The following PCDH15 variants were observed in gnomAD, a reference collection of about 807,000 sequenced individuals.
PCDH15 encodes the protein protocadherin-15.
Under a neutral mutation model 178.5 loss-of-function variants are expected in PCDH15, and 129 were observed. The observed-to-expected ratio is 0.72, with a 90% confidence interval of 0.63 to 0.84. PCDH15 has a LOEUF of 0.84. Ranked by LOEUF, PCDH15 falls within the 40% of genes least tolerant of loss-of-function variation. PCDH15 has a pLI of 0.00. For synonymous variants in PCDH15, 800 were observed against 732.0 expected (o/e 1.09, Z -1.50); for missense variants, 2,230 against 2,099.9 (o/e 1.06, Z -1.21).
intron 3 of PCDH15, among the ~76,000 whole-genome samples, chr10:54,460,225 T>TA (rs962846642): frequency 6.6e-6 from 1 of 152,102 alleles, no homozygotes; most frequent in Non-Finnish European, 1.5e-5. Context: ...ATTTATTTGA[T>TA]AAAGTTTTAC....
intron 3 of PCDH15, among the ~76,000 whole-genome samples, chr10:54,875,614 A>G (rs1488051398): frequency 2.6e-5 from 4 of 152,210 alleles, no homozygotes; most frequent in Non-Finnish European, 5.9e-5. Context: ...TGAAACAGTC[A>G]TATTGCTGAT....
intron 1 of PCDH15, among the ~76,000 whole-genome samples, chr10:54,686,578 T>G (rs2095014685): frequency 6.6e-6 from 1 of 152,136 alleles, no homozygotes; most frequent in Non-Finnish European, 1.5e-5. Context: ...TATTTTGAAT[T>G]TTTTGTGTGT....
At chr10:55,202,220 C>G (rs761316523) in intron 1 of PCDH15, among the ~76,000 whole-genome samples, 10 of 152,022 alleles carry the variant, frequency 6.6e-5, no homozygotes, top group Non-Finnish European at 1.5e-4. Context: ...ACTTCATCTA[C>G]GCAGAGCCAG....
intron 2 of PCDH15, among the ~76,000 whole-genome samples, chr10:55,424,993 T>C (rs1347191689): frequency 6.6e-6 from 1 of 151,910 alleles, no homozygotes; most frequent in Non-Finnish European, 1.5e-5. Context: ...GCAAATACTT[T>C]TAAGAAACAG....
intron 21 of PCDH15, among the ~76,000 whole-genome samples, chr10:53,964,808 T>C (rs2088817752): frequency 6.6e-6 from 1 of 152,230 alleles, no homozygotes; most frequent in East Asian, 1.9e-4. Context: ...ATCAGACTTA[T>C]TATAATCATA....
At chr10:55,380,384 T>C (rs530696105) in intron 2 of PCDH15, among the ~76,000 whole-genome samples, 1 of 152,306 alleles carries the variant, frequency 6.6e-6, no homozygotes, top group South Asian at 2.1e-4. Context: ...GAGAGACAAT[T>C]CTCTATGGGT....
At chr10:55,284,193 G>T (rs1265481399) in intron 1 of PCDH15, among the ~76,000 whole-genome samples, 2 of 146,240 alleles carry the variant, frequency 1.4e-5, no homozygotes, top group Admixed American at 1.3e-4. Flanking sequence ...TAGCTACTCA[G>T]GCCTATGCTA....
intron 3 of PCDH15, among the ~76,000 whole-genome samples, chr10:54,883,625 T>C (rs993943650): frequency 6.6e-6 from 1 of 151,888 alleles, no homozygotes; most frequent in African/African-American, 2.4e-5. Context: ...AAGGAAAGAG[T>C]AATGTATACC....
intron 9 of PCDH15, among the ~76,000 whole-genome samples, chr10:54,235,700 C>T (rs188863056): frequency 1.3e-5 from 2 of 152,260 alleles, no homozygotes; most frequent in Admixed American, 6.5e-5. Context: ...ACAGACTCCA[C>T]GACTCCCTAA....
At chr10:53,946,807 T>C (rs1308345158) in intron 23 of PCDH15, among the ~76,000 whole-genome samples, 1 of 152,226 alleles carries the variant, frequency 6.6e-6, no homozygotes, top group Non-Finnish European at 1.5e-5. Flanking sequence ...AGACGGAGTC[T>C]CGCTCTATCG....
At chr10:53,940,713 G>C (rs557211892) in intron 24 of PCDH15, among the ~76,000 whole-genome samples, 153 bp downstream of exon 24, 1 of 152,074 alleles carries the variant, frequency 6.6e-6, no homozygotes, top group African/African-American at 2.4e-5. Flanking sequence ...ATTTTTAATC[G>C]AGTTCAGGAT....
chr10:54,357,478 G>A (rs1211790512), intron 5 of PCDH15, among the ~76,000 whole-genome samples: 1 of 152,040 alleles, frequency 6.6e-6, no homozygotes, highest in Admixed American at 6.6e-5. Context: ...ACCTCTTCAA[G>A]GAGAACTACA....
intron 26 of PCDH15, among the ~76,000 whole-genome samples, chr10:53,899,092 G>T (rs1484476515): frequency 6.9e-6 from 1 of 145,708 alleles, no homozygotes; most frequent in Non-Finnish European, 1.5e-5. Flanking sequence ...TAGGTATTTT[G>T]TCCATCTAGA....
intron 2 of PCDH15, among the ~76,000 whole-genome samples, chr10:54,627,602 AT>A (rs2093592786): frequency 1.3e-5 from 2 of 152,238 alleles, no homozygotes; most frequent in African/African-American, 4.8e-5. Flanking sequence ...TCGTTTGTTA[AT>A]TGTCCAGTCT....
chr10:55,417,581 C>T (rs1166832479), intron 2 of PCDH15, among the ~76,000 whole-genome samples: 6 of 151,210 alleles, frequency 4.0e-5, no homozygotes, highest in African/African-American at 7.3e-5. Flanking sequence ...GGATAGAAGA[C>T]GAAATGCTCT....
intron 2 of PCDH15, among the ~76,000 whole-genome samples, chr10:55,453,424 G>C (rs983845278): frequency 1.3e-5 from 2 of 152,136 alleles, no homozygotes; most frequent in African/African-American, 4.8e-5. Context: ...AGGAAGCTAT[G>C]AAAAATACTC....
At chr10:55,360,214 AC>A (rs1845195362) in intron 2 of PCDH15, among the ~76,000 whole-genome samples, 1 of 152,016 alleles carries the variant, frequency 6.6e-6, no homozygotes, top group South Asian at 2.1e-4. Context: ...CCCCTTGTAC[AC>A]CATAAATATA....
At chr10:54,561,397 A>G (rs984275188) in intron 2 of PCDH15, among the ~76,000 whole-genome samples, 6 of 152,216 alleles carry the variant, frequency 3.9e-5, no homozygotes, top group Non-Finnish European at 8.8e-5. Context: ...AATATCTATC[A>G]ATAAAACTAA....
intron 21 of PCDH15, among the ~76,000 whole-genome samples, chr10:53,982,211 C>T (rs1589752101): frequency 6.6e-6 from 1 of 152,298 alleles, no homozygotes; most frequent in East Asian, 1.9e-4. Flanking sequence ...AACACTTTTA[C>T]ACTGTTGGTG....
Sources: gnomAD v4.1 joint callset for allele counts (sites outside exome capture counted in the v4.1 genomes callset) on GRCh38, gnomAD v4.1.1 for gene constraint, MANE v1.5 for transcripts, NCBI Gene and HGNC (gene_info 2026-07-23, HGNC 2026-07-21) for gene names.